Variants in MAPK6 observed in about 807,000 individuals in gnomAD.
The protein encoded by MAPK6 is mitogen-activated protein kinase 6.
MAPK6 carries 19 observed loss-of-function variants against 59.3 expected under a neutral mutation model. That is an observed-to-expected ratio of 0.32 (90% CI 0.22 to 0.47). MAPK6 has a LOEUF of 0.47. MAPK6 is among the 20% of genes least tolerant of loss of function. The pLI is 1.00. For synonymous variants in MAPK6, 316 were observed against 290.3 expected (o/e 1.09, Z -0.90); for missense variants, 724 against 847.9 (o/e 0.85, Z 1.81).
In MAPK6 at chr15:52,065,554, C is replaced by G. The variant is rs2032383595; in HGVS notation, c.*554C>G. On this transcript the variant is annotated 3_prime_UTR_variant, in exon 6 of 6. Transcript: ENST00000261845. ...CCATAGTGCTTCACAAAATGCACTT[C>G]TATTTAGCCAGCGTTTATTGTAGTA... 1 of 152,672 alleles carries G rather than the reference C, an allele frequency of 6.5e-6. No homozygotes were observed. The highest frequency in any genetic ancestry group is 2.1e-4 in the South Asian group (1 of 4,836). The allele number at this position is 152,672 out of a possible 1,614,324, so 9.5% of individuals were successfully genotyped here. A position where few individuals can be genotyped will look rare whatever the true frequency, so the allele number is the denominator to read the frequency against.
At chr15:52,024,593 GT>G (rs1486591112) in intron 1 of MAPK6, 2 of 151,500 alleles carry the variant, frequency 1.3e-5, no homozygotes, top group African/African-American at 4.9e-5. Context: ...TAGAGACGGG[GT>G]TTCACCGTGT....
intron 2 of MAPK6, among the ~76,000 whole-genome samples, chr15:52,049,415 T>A (rs2031705881): frequency 1.3e-5 from 2 of 148,376 alleles, no homozygotes; most frequent in Admixed American, 1.4e-4. Flanking sequence ...GCAACCTCTG[T>A]CTCCTGCGCT....
chr15:52,028,266 A>T (rs903507953), intron 1 of MAPK6, among the ~76,000 whole-genome samples: 14 of 151,704 alleles, frequency 9.2e-5, no homozygotes, highest in Admixed American at 1.3e-4. Flanking sequence ...TTGTATTTTT[A>T]GTAGAGACGG....
At chr15:51,989,708 T>G (rs2057202161) in intron 2 of MAPK6, among the ~76,000 whole-genome samples, 1 of 152,168 alleles carries the variant, frequency 6.6e-6, no homozygotes, top group Admixed American at 6.6e-5. Context: ...CAAGCAGTCC[T>G]CCTGCCTCAG....
intron 1 of MAPK6, among the ~76,000 whole-genome samples, chr15:52,027,101 C>T (rs939525939): frequency 3.8e-4 from 58 of 151,720 alleles, no homozygotes; most frequent in African/African-American, 1.4e-3. Context: ...TGCCTGTAAT[C>T]CCAGGACTTT....
intron 2 of MAPK6, among the ~76,000 whole-genome samples, chr15:51,984,710 T>C: frequency 6.6e-6 from 1 of 151,962 alleles, no homozygotes; most frequent in East Asian, 1.9e-4. Context: ...AGCCCTGATA[T>C]GTGGTGTTTG....
intron 4 of MAPK6, among the ~76,000 whole-genome samples, chr15:52,059,334 C>T (rs1426482540): frequency 1.3e-5 from 2 of 152,102 alleles, no homozygotes; most frequent in African/African-American, 4.8e-5. Context: ...CAGAGTCTTC[C>T]CTGGGCTGGT....
chr15:52,023,125 A>AAAAAC (rs1566902303), intron 1 of MAPK6, among the ~76,000 whole-genome samples: 3 of 150,678 alleles, frequency 2.0e-5, no homozygotes, highest in Non-Finnish European at 4.4e-5. Flanking sequence ...AAAAAAAAAA[A>AAAAAC]AAACCGAAAA....
upstream of MAPK6, among the ~76,000 whole-genome samples, chr15:52,018,459 G>A (rs571337585): frequency 1.3e-5 from 2 of 152,172 alleles, no homozygotes; most frequent in Admixed American, 6.5e-5. Flanking sequence ...GCTGACCTGC[G>A]TCTCTAATTT....
intron 1 of MAPK6, among the ~76,000 whole-genome samples, chr15:51,974,658 C>CAA (rs765698138): frequency 1.8e-3 from 60 of 32,454 alleles, no homozygotes; most frequent in East Asian, 3.9e-3. Context: ...GACTCCGTCT[C>CAA]AAAAAAAAAA....
chr15:51,972,559 C>T (rs1415443053), intron 1 of MAPK6, among the ~76,000 whole-genome samples: 18 of 150,028 alleles, frequency 1.2e-4, no homozygotes, highest in South Asian at 4.2e-4. Flanking sequence ...CGCGGTCGCT[C>T]ACGCCTGTAA....
chr15:52,014,744 T>C (rs1244687167), upstream of MAPK6, among the ~76,000 whole-genome samples: 1 of 150,178 alleles, frequency 6.7e-6, no homozygotes, highest in East Asian at 2.0e-4. Context: ...GGTATTTTGA[T>C]AGAGTTTTCA....
chr15:52,058,396 C>G (rs548080585), intron 3 of MAPK6, among the ~76,000 whole-genome samples: 16 of 152,028 alleles, frequency 1.1e-4, no homozygotes, highest in African/African-American at 3.1e-4. Flanking sequence ...AATATGAGAC[C>G]AAACTTAAAG....
chr15:52,002,834 T>C (rs1440705431), intron 2 of MAPK6, among the ~76,000 whole-genome samples: 1 of 151,662 alleles, frequency 6.6e-6, no homozygotes, highest in Non-Finnish European at 1.5e-5. Context: ...ACATCTTAGG[T>C]GGCAGCAGGT....
intron 2 of MAPK6, among the ~76,000 whole-genome samples, chr15:52,003,545 T>C (rs762137483): frequency 2.0e-5 from 3 of 152,200 alleles, no homozygotes; most frequent in Non-Finnish European, 4.4e-5. Flanking sequence ...GGGCAGCAAG[T>C]CTTTCCTTGG....
chr15:52,064,590 G>C lies in MAPK6; in HGVS notation c.1756G>C (p.Glu586Gln), dbSNP rs772694895. 5 of 1,611,796 alleles carry C rather than the reference G, an allele frequency of 3.1e-6. No individual in the cohort carries two copies. The highest frequency in any genetic ancestry group is 4.2e-6 in the Non-Finnish European group (5 of 1,179,772). ...EKGMANLAQL[E>Q]ALYQSSWDSQ... Reference sequence around the variant, plus strand: ...AGGAATGGCAAATCTGGCTCAATTAGAAGCCTTGTACCAGTCTTCTTGGGA... The same window carrying C: ...AGGAATGGCAAATCTGGCTCAATTACAAGCCTTGTACCAGTCTTCTTGGGA... Residue 586 changes from glutamate (E) to glutamine (Q), a missense_variant, in exon 6 of 6, where the codon GAA (glutamate) becomes CAA (glutamine). By Grantham distance (29) the Glu-to-Gln change is conservative. This residue lies in a region of MAPK6 where 502 missense variants were observed against 507.6 expected (regional missense o/e 0.99). Coordinates refer to ENST00000261845, the MANE Select transcript of MAPK6 (RefSeq NM_002748.4).
chr15:51,983,638 T>C (rs575905779), intron 2 of MAPK6, among the ~76,000 whole-genome samples: 3 of 152,076 alleles, frequency 2.0e-5, no homozygotes, highest in African/African-American at 7.2e-5. Context: ...ACCAAGACAC[T>C]GTCTCTATAA....
chr15:52,005,538 AAGAG>A (rs1181851967), intron 3 of MAPK6, among the ~76,000 whole-genome samples: 4 of 151,840 alleles, frequency 2.6e-5, no homozygotes, highest in African/African-American at 4.8e-5. Context: ...AAAAAAAAAA[AAGAG>A]AGAGAGAGAT....
Position 52,059,143 on chromosome 15 carries a change from C to T in MAPK6, c.865+346C>T, listed in dbSNP as rs114897856. Reference sequence around the variant, plus strand: ...GAAAGCTGCTGTATTTAATTTCAGCCGGTTTTGCAGGCTTTTCAGTAGTTC... The same window carrying T: ...GAAAGCTGCTGTATTTAATTTCAGCTGGTTTTGCAGGCTTTTCAGTAGTTC... On this transcript the variant is annotated intron_variant, in intron 4 of 5. Transcript: ENST00000261845. Among the ~76,000 whole-genome samples, 857 of 152,222 alleles carry T rather than the reference C, an allele frequency of 5.6e-3. 9 individuals are homozygous for T. The highest frequency in any genetic ancestry group is 0.02 in the African/African-American group (822 of 41,518).
Sources: gnomAD v4.1 joint callset for allele counts (sites outside exome capture counted in the v4.1 genomes callset) on GRCh38, gnomAD v4.1.1 for gene constraint, gnomAD v4.1.1 regional missense constraint, MANE v1.5 for transcripts, NCBI Gene and HGNC (gene_info 2026-07-23, HGNC 2026-07-21) for gene names.